WAC: variants seen among roughly 807,000 people sequenced by gnomAD.
The protein encoded by WAC is WW domain-containing adapter protein with coiled-coil.
In WAC, 11 loss-of-function variants were observed where a neutral mutation model predicts 79.6. That is an observed-to-expected ratio of 0.14 (90% confidence interval 0.09 to 0.23). WAC has a LOEUF of 0.23. WAC is among the 10% of genes least tolerant of loss of function. The probability of loss-of-function intolerance (pLI) is 1.00; values close to 1 mark genes in which losing one functional copy is unlikely to be tolerated. For missense variants in WAC, 728 were observed against 773.5 expected, an observed-to-expected ratio of 0.94 and a Z score of 0.70; for synonymous variants, 304 against 276.9, an observed-to-expected ratio of 1.10 and a Z score of -0.97.
chr10:28,537,741 T>C (rs1187149495), intron 3 of WAC: 1 of 152,248 alleles, frequency 6.6e-6, no homozygotes, highest in Non-Finnish European at 1.5e-5. Context: ...TAGTGGTGTT[T>C]TAGCCACTTA....
chr10:28,554,869 T>C (rs931868127), intron 3 of WAC, among the ~76,000 whole-genome samples: 2 of 152,202 alleles, frequency 1.3e-5, no homozygotes, highest in Non-Finnish European at 2.9e-5. Flanking sequence ...ATACTCTCTT[T>C]CCATCAGCTC....
chr10:28,590,702 C>CTT lies in WAC; in HGVS notation c.498-10_498-9dup. ...CTTAATGTAATTTTTATATGTTTAT[C>CTT]TTTTTTTTTATTTTTAGAGAACAGA... is the stretch of plus-strand genomic sequence containing the variant. On this transcript the variant is annotated splice_polypyrimidine_tract_variant and intron_variant, in intron 5 of 13. Coordinates refer to ENST00000354911, the MANE Select transcript of WAC (RefSeq NM_016628.5). 6.5e-7 allele frequency: 1 copy of CTT among 1,538,942 alleles called. No individual in the cohort carries two copies. Among genetic ancestry groups the CTT allele is most frequent in the Non-Finnish European group, 8.8e-7 (1 of 1,138,506 alleles).
Position 28,583,472 on chromosome 10 carries a change from TCCAAGCAATAAC to T in WAC, c.357_368del (p.Asn119_Ser122del). 1 of 1,591,206 alleles carries T rather than the reference TCCAAGCAATAAC, an allele frequency of 6.3e-7. No homozygotes were observed. Among genetic ancestry groups the T allele is most frequent in the Non-Finnish European group, 8.5e-7 (1 of 1,171,134 alleles). On this transcript the variant is annotated inframe_deletion, in exon 4 of 14. Transcript: ENST00000354911. Reference sequence around the variant, plus strand: ...ATAGTTCAAATTCACATTCTTCTAATCCAAGCAATAACCCAAGCAAAACTTCAGATGCAGTAA... The same window carrying T: ...ATAGTTCAAATTCACATTCTTCTAATCCAAGCAAAACTTCAGATGCAGTAA...
intron 3 of WAC, among the ~76,000 whole-genome samples, chr10:28,580,936 A>C (rs1195583323): frequency 6.6e-6 from 1 of 152,156 alleles, no homozygotes; most frequent in African/African-American, 2.4e-5. Flanking sequence ...GACAGGTGCA[A>C]AGAGAAAAGG....
intron 3 of WAC, among the ~76,000 whole-genome samples, chr10:28,580,402 C>G (rs577372631): frequency 2.6e-5 from 4 of 152,256 alleles, no homozygotes; most frequent in African/African-American, 9.6e-5. Flanking sequence ...GTCAATAGAC[C>G]TCATTTGTAA....
At chr10:28,602,508 AATAG>A (rs975386797) in intron 7 of WAC, among the ~76,000 whole-genome samples, 7 of 152,218 alleles carry the variant, frequency 4.6e-5, no homozygotes, top group African/African-American at 1.4e-4. Context: ...ACTATTACAA[AATAG>A]ATAAAGCAGG....
rs189802225 is a variant in WAC at position 28,606,357 on chromosome 10, A to G, written c.920-1829A>G. Reference sequence around the variant, plus strand: ...ATCTGACAGCAGAATTTTCGCAAGGAAAACATTTATCGTTTTATTTGAGTT... The same window carrying G: ...ATCTGACAGCAGAATTTTCGCAAGGGAAACATTTATCGTTTTATTTGAGTT... On this transcript the variant is annotated intron_variant, in intron 7 of 13. Coordinates refer to ENST00000354911, the MANE Select transcript of WAC (RefSeq NM_016628.5). Among the ~76,000 whole-genome samples, 71 of 152,344 alleles carry G rather than the reference A, an allele frequency of 4.7e-4. No individual in the cohort carries two copies. In the East Asian group the frequency reaches 0.012, roughly 26 times the overall value.
At chr10:28,593,576 C>T (rs1033145244) in intron 6 of WAC, among the ~76,000 whole-genome samples, 14 of 151,456 alleles carry the variant, frequency 9.2e-5, no homozygotes, top group Admixed American at 2.0e-4. Context: ...GAGACCAGCC[C>T]GGCCAATGTG....
At chr10:28,567,007 T>C (rs944774180) in intron 3 of WAC, among the ~76,000 whole-genome samples, 1 of 151,744 alleles carries the variant, frequency 6.6e-6, no homozygotes, top group Non-Finnish European at 1.5e-5. Context: ...ATCTTTCATA[T>C]TGGGCATCTT....
At chr10:28,559,932 A>C (rs1347290209) in intron 3 of WAC, among the ~76,000 whole-genome samples, 1 of 152,124 alleles carries the variant, frequency 6.6e-6, no homozygotes, top group Non-Finnish European at 1.5e-5. Context: ...GGCTTTTGGA[A>C]AGGATTTTGG....
chr10:28,617,833 C>T, intron 13 of WAC, 49 bp downstream of exon 13: 2 of 1,522,740 alleles, frequency 1.3e-6, no homozygotes, highest in Non-Finnish European at 8.8e-7. Flanking sequence ...GATTATGATT[C>T]TTAAATCGAA....
chr10:28,563,770 TTTTG>T (rs1423908470), intron 3 of WAC, among the ~76,000 whole-genome samples: 2 of 120,454 alleles, frequency 1.7e-5, no homozygotes, highest in Admixed American at 8.3e-5. Context: ...TTTTTTTTTT[TTTTG>T]TATTTTTAGT....
At position 28,614,640 on chromosome 10, in the gene WAC, A is replaced by C; in HGVS notation, c.1511A>C (p.Gln504Pro). 1 of 1,614,222 alleles carries C rather than the reference A, an allele frequency of 6.2e-7. No individual in the cohort carries two copies. The highest frequency in any genetic ancestry group is 8.5e-7 in the Non-Finnish European group (1 of 1,180,014). ...CAGCAGCCTGTAACTGCTGACAAGC[A>C]GCAAGGTCATGAACCTGTCTCTCCT... The part of the protein sequence containing the change: ...ATQQPVTADK[Q>P]QGHEPVSPRS... Residue 504 changes from glutamine to proline, a missense_variant, in exon 11 of 14, where the codon CAG (glutamine) becomes CCG (proline). By Grantham distance (76) the Gln-to-Pro change is moderately conservative. Coordinates refer to ENST00000354911, the MANE Select transcript of WAC (RefSeq NM_016628.5).
At position 28,605,977 on chromosome 10, in the gene WAC, A is replaced by G. The variant is rs544394725; in HGVS notation, c.920-2209A>G. On this transcript the variant is annotated intron_variant, in intron 7 of 13. Transcript: ENST00000354911. ...GTGTGTGAAAGAACCTTTAAGAGGG[A>G]TGTGATCTGGAGAATACTGCTAATA... 6.8e-4 allele frequency among the ~76,000 whole-genome samples: 103 copies of G among 152,168 alleles called. 2 individuals carry two copies. The highest frequency in any genetic ancestry group is 1.4e-3 in the East Asian group (7 of 5,184).
chr10:28,542,694 T>A (rs889212043), intron 3 of WAC, among the ~76,000 whole-genome samples: 1 of 152,236 alleles, frequency 6.6e-6, no homozygotes, highest in African/African-American at 2.4e-5. Context: ...TAATTCATGA[T>A]GAACTAAGAT....
chr10:28,540,552 C>T (rs1564372032), intron 3 of WAC, among the ~76,000 whole-genome samples: 3 of 152,184 alleles, frequency 2.0e-5, no homozygotes, highest in African/African-American at 7.2e-5. Flanking sequence ...GGAAGCATGA[C>T]ACAGATTTCA....
chr10:28,553,539 C>A (rs756765609), intron 3 of WAC, among the ~76,000 whole-genome samples: 1 of 151,824 alleles, frequency 6.6e-6, no homozygotes, highest in South Asian at 2.1e-4. Flanking sequence ...ATGGCTTTTT[C>A]TTTTTCCCTT....
chr10:28,560,496 C>G (rs566137291), intron 3 of WAC, among the ~76,000 whole-genome samples: 1 of 152,020 alleles, frequency 6.6e-6, no homozygotes, highest in Non-Finnish European at 1.5e-5. Context: ...TTTTTTGTGT[C>G]GTCTTATGCC....
At chr10:28,573,275 C>CATA (rs1216352791) in intron 3 of WAC, among the ~76,000 whole-genome samples, 2 of 152,064 alleles carry the variant, frequency 1.3e-5, no homozygotes, top group African/African-American at 4.8e-5. Flanking sequence ...TTACTGTATA[C>CATA]CCATTAGCAG....
Sources: allele counts gnomAD v4.1 joint callset (sites outside exome capture counted in the v4.1 genomes callset), GRCh38; gene constraint gnomAD v4.1.1; transcripts MANE v1.5; gene names NCBI Gene and HGNC (gene_info 2026-07-23, HGNC 2026-07-21).